Variants in PARVA observed in about 807,000 individuals in gnomAD.
The protein encoded by PARVA is alpha-parvin.
PARVA carries 25 observed loss-of-function variants against 52.6 expected under a neutral mutation model. The observed-to-expected ratio is 0.48, with a 90% CI of 0.35 to 0.66. The LOEUF is 0.66. Ranked by LOEUF, PARVA falls within the 30% of genes least tolerant of loss-of-function variation. The pLI is 0.01. For missense variants in PARVA, 373 were observed against 450.9 expected (o/e 0.83, Z 1.56); for synonymous variants, 185 against 179.1 (o/e 1.03, Z -0.26).
intron 3 of PARVA, among the ~76,000 whole-genome samples, chr11:12,476,507 A>AG (rs1270160184): frequency 1.3e-5 from 2 of 152,004 alleles, no homozygotes; most frequent in Non-Finnish European, 2.9e-5. Context: ...GGAAAAAAAA[A>AG]AAAGTCTCCT....
intron 1 of PARVA, among the ~76,000 whole-genome samples, chr11:12,464,943 A>G (rs914047851): frequency 6.6e-6 from 1 of 152,216 alleles, no homozygotes; most frequent in African/African-American, 2.4e-5. Context: ...GTTCCACCTC[A>G]GATCATTAGG....
At chr11:12,381,341 G>A (rs1480887150) in intron 1 of PARVA, among the ~76,000 whole-genome samples, 2 of 152,126 alleles carry the variant, frequency 1.3e-5, no homozygotes, top group Non-Finnish European at 2.9e-5. Flanking sequence ...TGGTGTTCTT[G>A]AACCTCTCAT....
chr11:12,507,386 C>G (rs1941444054), intron 6 of PARVA, among the ~76,000 whole-genome samples: 1 of 152,194 alleles, frequency 6.6e-6, no homozygotes, highest in Admixed American at 6.5e-5. Flanking sequence ...CCTCCTCACA[C>G]CCATCAGAAA....
At chr11:12,469,531 T>C (rs1173490252) in intron 1 of PARVA, among the ~76,000 whole-genome samples, 2 of 152,152 alleles carry the variant, frequency 1.3e-5, no homozygotes, top group Non-Finnish European at 2.9e-5. Context: ...GCAAGGGGCT[T>C]CTGCTGGGTC....
chr11:12,510,434 T>TTACCATATGGTAATACCATATGG (rs1258477620), intron 7 of PARVA, among the ~76,000 whole-genome samples: 7 of 152,354 alleles, frequency 4.6e-5, no homozygotes, highest in African/African-American at 1.7e-4. Context: ...AACATCTGAT[T>TTACCATATGGTAATACCATATGG]TAAGTATTTA....
At chr11:12,389,532 A>G (rs1939627220) in intron 1 of PARVA, among the ~76,000 whole-genome samples, 1 of 152,248 alleles carries the variant, frequency 6.6e-6, no homozygotes, top group African/African-American at 2.4e-5. Flanking sequence ...TAATTGCAAG[A>G]CAGTGGGCTG....
At chr11:12,481,428 A>ATT (rs796260631) in intron 4 of PARVA, among the ~76,000 whole-genome samples, 1 of 143,264 alleles carries the variant, frequency 7.0e-6, no homozygotes. Flanking sequence ...AGCTGCCCAT[A>ATT]TTTTTTTTTT....
At position 12,496,530 on chromosome 11, in the gene PARVA, A is replaced by T; in HGVS notation, c.473A>T (p.Gln158Leu). The change falls in exon 5 of 13, where the codon CAG becomes CTG. Residue 158 changes from glutamine to leucine, a missense_variant. By Grantham distance (113) the Gln-to-Leu change is moderately radical. Coordinates refer to ENST00000334956, the MANE Select transcript of PARVA (RefSeq NM_018222.5). Reference protein sequence around the residue: ...QSEIAQKQKLQTVLEKINETL... With the variant: ...QSEIAQKQKLLTVLEKINETL... ...GAGATTGCTCAGAAGCAAAAACTGC[A>T]GACTGTCCTGGAGAAGATCAATGAA... 17 of 1,610,938 alleles carry T rather than the reference A, an allele frequency of 1.1e-5. No homozygotes were observed. The highest frequency in any genetic ancestry group is 1.4e-5 in the Non-Finnish European group (16 of 1,178,646).
At chr11:12,508,159 CT>C (rs1260917586) in intron 6 of PARVA, among the ~76,000 whole-genome samples, 5 of 149,966 alleles carry the variant, frequency 3.3e-5, no homozygotes, top group Non-Finnish European at 7.4e-5. Context: ...GTCTGAATTC[CT>C]AGTTGGCCTC....
At chr11:12,403,661 C>T (rs958124434) in intron 1 of PARVA, among the ~76,000 whole-genome samples, 28 of 152,238 alleles carry the variant, frequency 1.8e-4, no homozygotes, top group African/African-American at 5.5e-4. Context: ...TAGGCAATGT[C>T]TTAGAAAATA....
At chr11:12,467,628 G>T (rs1296891834) in intron 1 of PARVA, among the ~76,000 whole-genome samples, 1 of 152,184 alleles carries the variant, frequency 6.6e-6, no homozygotes, top group Non-Finnish European at 1.5e-5. Context: ...AAGAGCTTCT[G>T]TATAGGCCCT....
chr11:12,439,955 T>C (rs1472568862), intron 1 of PARVA, among the ~76,000 whole-genome samples: 1 of 152,238 alleles, frequency 6.6e-6, no homozygotes, highest in Admixed American at 6.5e-5. Context: ...GTTCTCTTTA[T>C]TCCCATCGCC....
intron 1 of PARVA, among the ~76,000 whole-genome samples, chr11:12,395,789 A>G (rs1320496669): frequency 6.6e-6 from 1 of 152,194 alleles, no homozygotes; most frequent in African/African-American, 2.4e-5. Context: ...CTTCTGACCC[A>G]ATGCAAATTA....
At chr11:12,423,948 T>C (rs1940189471) in intron 1 of PARVA, among the ~76,000 whole-genome samples, 1 of 152,222 alleles carries the variant, frequency 6.6e-6, no homozygotes, top group South Asian at 2.1e-4. Context: ...TATTTTTCTT[T>C]ATTAATTTTG....
chr11:12,377,824 G>GGGGTGCCGTAGGGGCCGA, intron 1 of PARVA, 41 bp downstream of exon 1: 1 of 1,448,812 alleles, frequency 6.9e-7, no homozygotes. Context: ...GTAGGAGCCG[G>GGGGTGCCGTAGGGGCCGA]GGGTGCCGTA....
intron 1 of PARVA, among the ~76,000 whole-genome samples, chr11:12,460,201 A>C (rs778172626): frequency 2.6e-5 from 4 of 152,208 alleles, no homozygotes; most frequent in Non-Finnish European, 1.5e-5. Flanking sequence ...TTTCGTATAG[A>C]AAGCAAATGT....
chr11:12,514,144 C>A, intron 10 of PARVA, 79 bp downstream of exon 10: 3 of 1,102,922 alleles, frequency 2.7e-6, no homozygotes, highest in Non-Finnish European at 4.1e-6. Context: ...CCACACTTGG[C>A]CAGGAGGGCT....
intron 6 of PARVA, among the ~76,000 whole-genome samples, chr11:12,504,774 G>GGTGTGTGT (rs58878351): frequency 0.39 from 58,614 of 148,878 alleles, 11,824 homozygotes; most frequent in Middle Eastern, 0.45. Context: ...AAGGTATGTG[G>GGTGTGTGT]GTGTGTGTGT....
upstream of PARVA, among the ~76,000 whole-genome samples, chr11:12,376,505 C>T (rs1053154711): frequency 3.9e-5 from 6 of 152,220 alleles, no homozygotes; most frequent in African/African-American, 1.4e-4. Context: ...CAGTCACGAG[C>T]ACAACTTCTG....
Sources: gnomAD v4.1 joint callset for allele counts (sites outside exome capture counted in the v4.1 genomes callset) on GRCh38, gnomAD v4.1.1 for gene constraint, MANE v1.5 for transcripts, NCBI Gene and HGNC (gene_info 2026-07-23, HGNC 2026-07-21) for gene names.